The following NEURL4 variants were observed in gnomAD, a reference collection of about 807,000 sequenced individuals.
The protein encoded by NEURL4 is neuralized-like protein 4.
In NEURL4, 45 loss-of-function variants were observed where a neutral mutation model predicts 148.0. The ratio of observed to expected loss-of-function variants is 0.30; its 90% confidence interval spans 0.24 to 0.39. The LOEUF (loss-of-function observed/expected upper bound fraction) is 0.39. NEURL4 is among the 10% of genes least tolerant of loss of function. The probability of loss-of-function intolerance (pLI) is 1.00; values close to 1 mark genes in which losing one functional copy is unlikely to be tolerated. For synonymous variants in NEURL4, 854 were observed against 869.0 expected (o/e 0.98, Z 0.30); for missense variants, 1,776 against 2,144.0 (o/e 0.83, Z 3.39).
intron 1 of NEURL4, among the ~76,000 whole-genome samples, chr17:7,328,708 C>G (rs2073134941): frequency 6.6e-6 from 1 of 152,208 alleles, no homozygotes; most frequent in South Asian, 2.1e-4. Flanking sequence ...TCTTTCTTCA[C>G]TTGCCATCAC....
At position 7,327,925 on chromosome 17, in the gene NEURL4, C is replaced by A. The variant is rs1259745105; in HGVS notation, c.283-41G>T. The A allele has an allele frequency of 2.1e-6, 3 of 1,458,126 alleles. No homozygotes were observed. The highest frequency in any genetic ancestry group is 4.3e-5 in the Admixed American group (2 of 46,454). The allele number at this position is 1,458,126 out of a possible 1,614,324, so 90.3% of individuals were successfully genotyped here. ...TGGACAGAGGCTTAGAATGGGCCAC[C>A]CCCCATTCCACAGGCCACCATATCT... is the stretch of plus-strand genomic sequence containing the variant. On this transcript the variant is annotated intron_variant, in intron 1 of 28. Transcript: ENST00000399464. This position sits in a 1 kb window ranked among gnomAD's most constrained non-coding sequence, Gnocchi z 6.6.
intron 14 of NEURL4, among the ~76,000 whole-genome samples, 153 bp downstream of exon 14, chr17:7,323,332 C>T (rs1382318342): frequency 1.3e-5 from 2 of 152,182 alleles, no homozygotes; most frequent in African/African-American, 4.8e-5. Flanking sequence ...CCCCTGTGGG[C>T]CTGGGCAGGA....
In NEURL4 at chr17:7,320,915, A is replaced by C. The variant is rs2143012193; in HGVS notation, c.3369T>G (p.Asn1123Lys). Residue 1123 changes from asparagine to lysine, a missense_variant, in exon 21 of 29, where the codon AAT (asparagine) becomes AAG (lysine). Asn to Lys is a moderately conservative substitution (Grantham distance 94, BLOSUM62 0). Transcript: ENST00000399464. ...EGEEHGLGGQ[N>K]EVGIIPTTLE... ...GGGTGGTGGGTATAATACCCACTTCATTCTGGCCCTGGTGTGGAGGAAGGG... is the reference window on the plus strand; with the variant it reads ...GGGTGGTGGGTATAATACCCACTTCCTTCTGGCCCTGGTGTGGAGGAAGGG... 6.2e-7 allele frequency: 1 copy of C among 1,613,988 alleles called. No individual in the cohort carries two copies. Among genetic ancestry groups the C allele is most frequent in the East Asian group, 2.2e-5 (1 of 44,886 alleles).
Position 7,317,516 on chromosome 17 carries a change from G to A in NEURL4, c.4263C>T (p.His1421=), listed in dbSNP as rs763570530. 8.1e-6 allele frequency: 13 copies of A among 1,614,148 alleles called. No individual in the cohort carries two copies. Among genetic ancestry groups the A allele is most frequent in the Middle Eastern group, 1.6e-4 (1 of 6,062 alleles). ...TCCGTACAGCGGCAACATTGCTCCC[G>A]TGATATGCCATGTGCCACTTCTTGG... ...TLTKKWHMAY[H]GSNVAAVRRV... is the part of the protein sequence containing the mutation. Residue 1421 remains histidine, a synonymous_variant, in exon 27 of 29, where the codon CAC becomes CAT. Transcript: ENST00000399464.
At position 7,325,461 on chromosome 17, in the gene NEURL4, G is replaced by C; in HGVS notation, c.1379C>G (p.Pro460Arg). ...ACCATACACCACTGGGGGCGTCAAG[G>C]GGGTTGCCACTCCTGTGGCAGGAAG... The part of the protein sequence containing the change: ...INGIDQGVAT[P>R]LTPPVVYGVV... The change falls in exon 8 of 29, where the codon CCC (proline) becomes CGC (arginine). Residue 460 changes from proline (P) to arginine (R), a missense_variant. Transcript: ENST00000399464. 1 of 1,611,474 alleles carries C rather than the reference G, an allele frequency of 6.2e-7. No homozygotes were observed. The highest frequency in any genetic ancestry group is 8.5e-7 in the Non-Finnish European group (1 of 1,179,814).
Position 7,324,961 on chromosome 17 carries a change from G to T in NEURL4, c.1651C>A (p.His551Asn). 1 of 1,614,044 alleles carries T rather than the reference G, an allele frequency of 6.2e-7. No individual in the cohort carries two copies. Among genetic ancestry groups the T allele is most frequent in the Non-Finnish European group, 8.5e-7 (1 of 1,179,984 alleles). The change falls in exon 9 of 29, where the codon CAC becomes AAC. Residue 551 changes from histidine (H) to asparagine (N), a missense_variant. Physicochemically the swap from His to Asn is moderately conservative, Grantham distance 68. Transcript: ENST00000399464. The surrounding 1 kb of genome is among the most constrained non-coding windows in gnomAD (Gnocchi z 5.9). Reference protein sequence around the residue: ...LRPHATDDFNHGVVLSSRALR... With the variant: ...LRPHATDDFNNGVVLSSRALR... ...GCTCTGCTGCTCAGCACCACGCCGT[G>T]ATTGAAGTCATCGGTGGCACTGAGG...
At chr17:7,320,379 C>A (rs1274554807) in intron 21 of NEURL4, among the ~76,000 whole-genome samples, 1 of 152,172 alleles carries the variant, frequency 6.6e-6, no homozygotes, top group African/African-American at 2.4e-5. Context: ...AAGCGATCCG[C>A]CTGCCTTGGC....
Position 7,322,346 on chromosome 17 carries a change from C to T in NEURL4, c.2726-336G>A, listed in dbSNP as rs896953681. 2.0e-5 allele frequency among the ~76,000 whole-genome samples: 3 copies of T among 152,100 alleles called. No individual in the cohort carries two copies. The highest frequency in any genetic ancestry group is 2.1e-4 in the South Asian group (1 of 4,834). On this transcript the variant is annotated intron_variant, in intron 16 of 28. Transcript: ENST00000399464. The surrounding 1 kb of genome is among the most constrained non-coding windows in gnomAD (Gnocchi z 5.5). ...CTACATTTTGTATTTTTGGTACAGA[C>T]GGGGTTTCGCCATGTTTCCCAGGCT... is the stretch of plus-strand genomic sequence containing the variant.
rs769271449 is a variant in NEURL4 at position 7,324,169 on chromosome 17, G to A, written c.2001C>T (p.Gly667=). 8.7e-6 allele frequency: 14 copies of A among 1,613,620 alleles called. No individual in the cohort carries two copies. Among genetic ancestry groups the A allele is most frequent in the Admixed American group, 1.7e-5 (1 of 60,012 alleles). Residue 667 remains glycine, a synonymous_variant, in exon 11 of 29, where the codon GGC becomes GGT. Coordinates refer to ENST00000399464, the MANE Select transcript of NEURL4 (RefSeq NM_032442.3). The surrounding 1 kb of genome is among the most constrained non-coding windows in gnomAD (Gnocchi z 5.9). ...CATAGAGATCGACGACAGCATAGAC[G>A]CCCGGGGGCACGTTCCAGGCAGCAG... ...QGPAAWNVPP[G]VYAVVDLYGQ... is the part of the protein sequence containing the mutation.
In NEURL4 at chr17:7,322,754, G is replaced by T; in HGVS notation, c.2706C>A (p.Ser902=). 1 of 1,612,758 alleles carries T rather than the reference G, an allele frequency of 6.2e-7. No homozygotes were observed. Residue 902 remains serine, a synonymous_variant, in exon 16 of 29, where the codon TCC becomes TCA. Transcript: ENST00000399464. This position sits in a 1 kb window ranked among gnomAD's most constrained non-coding sequence, Gnocchi z 5.5. ...CCGCACCTGGGGAGTGCAGTGGGAA[G>T]GACTTCTCGGTGGCAGTGTTGCTGG... The part of the protein sequence containing the change: ...LATSNTATEK[S]FPLHSPVAGV...
At position 7,318,010 on chromosome 17, in the gene NEURL4, G is replaced by A; in HGVS notation, c.4060+55C>T. 1.2e-6 allele frequency: 2 copies of A among 1,613,690 alleles called. No homozygotes were observed. The highest frequency in any genetic ancestry group is 1.7e-6 in the Non-Finnish European group (2 of 1,179,576). On this transcript the variant is annotated intron_variant, in intron 25 of 28. Transcript: ENST00000399464. The surrounding 1 kb of genome is among the most constrained non-coding windows in gnomAD (Gnocchi z 4.3). Reference sequence around the variant, plus strand: ...GTGGCACCCTCCAGCTGCTCTCCAAGGCTCTAGGCCTGGCCCTGGGAATGA... The same window carrying A: ...GTGGCACCCTCCAGCTGCTCTCCAAAGCTCTAGGCCTGGCCCTGGGAATGA...
At position 7,318,731 on chromosome 17, in the gene NEURL4, C is replaced by A; in HGVS notation, c.3685-57G>T. The A allele has an allele frequency of 6.5e-7, 1 of 1,528,940 alleles. No individual in the cohort carries two copies. The highest frequency in any genetic ancestry group is 1.3e-5 in the South Asian group (1 of 79,486). 94.7% of individuals were successfully genotyped at this position (1,528,940 alleles called of 1,614,324 possible). The stretch of plus-strand genomic sequence containing the variant: ...TCAGACTCCACCGCGGCAGCTGTCC[C>A]GCCCTTTGCTCTGCTTCCTTTTGCC... On this transcript the variant is annotated intron_variant, in intron 22 of 28. Coordinates refer to ENST00000399464, the MANE Select transcript of NEURL4 (RefSeq NM_032442.3). The surrounding 1 kb of genome is among the most constrained non-coding windows in gnomAD (Gnocchi z 4.3).
chr17:7,329,333 C>A lies in NEURL4; in HGVS notation c.-21G>T. On this transcript the variant is annotated 5_prime_UTR_variant, in exon 1 of 29. Coordinates refer to ENST00000399464, the MANE Select transcript of NEURL4 (RefSeq NM_032442.3). ...GCCATCTCCGCTGACACCGGGGCAG[C>A]GCGACAGCCGCGCTTGGCGGCACCG... 2 of 1,373,454 alleles carry A rather than the reference C, an allele frequency of 1.5e-6. No individual in the cohort carries two copies. The highest frequency in any genetic ancestry group is 3.9e-5 in the Admixed American group (1 of 25,878). 85.1% of individuals were successfully genotyped at this position (1,373,454 alleles called of 1,614,324 possible).
rs954712243 is a variant in NEURL4 at position 7,324,180 on chromosome 17, C to T, written c.1990G>A (p.Val664Met). Residue 664 changes from valine (V) to methionine (M), a missense_variant, in exon 11 of 29, where the codon GTG becomes ATG. By Grantham distance (21) the Val-to-Met change is conservative. Coordinates refer to ENST00000399464, the MANE Select transcript of NEURL4 (RefSeq NM_032442.3). This position sits in a 1 kb window ranked among gnomAD's most constrained non-coding sequence, Gnocchi z 5.9. ...GMTQGPAAWN[V>M]PPGVYAVVDL... ...ACGACAGCATAGACGCCCGGGGGCA[C>T]GTTCCAGGCAGCAGGGCCCTGAGTC... The T allele has an allele frequency of 3.1e-6, 5 of 1,613,674 alleles. No homozygotes were observed. The highest frequency in any genetic ancestry group is 4.2e-6 in the Non-Finnish European group (5 of 1,180,030).
rs1452083165 is a variant in NEURL4, at chr17:7,315,949, G to A, written c.*174C>T. ...GACGGAGTGCTGGGCCTCCGGACAT[G>A]GAGCTGTGCCACTTGCCACCTACAT... is the stretch of plus-strand genomic sequence containing the variant. On this transcript the variant is annotated 3_prime_UTR_variant, in exon 29 of 29. Transcript: ENST00000399464. The A allele has an allele frequency of 4.9e-6, 3 of 606,126 alleles. No individual in the cohort carries two copies. The highest frequency in any genetic ancestry group is 5.9e-6 in the Non-Finnish European group (2 of 337,706). 37.5% of individuals were successfully genotyped at this position (606,126 alleles called of 1,614,324 possible). A position where few individuals can be genotyped will look rare whatever the true frequency, so the allele number is the denominator to read the frequency against.
rs199732392 is a variant in NEURL4 at position 7,324,920 on chromosome 17, C to T, written c.1692G>A (p.Glu564=). 3.1e-6 allele frequency: 5 copies of T among 1,614,184 alleles called. No homozygotes were observed. Among genetic ancestry groups the T allele is most frequent in the South Asian group, 1.1e-5 (1 of 91,080 alleles). ...TCTTGTCGATGCGCACCTGGAACAC[C>T]TCTCCATCCCGCAGGGCTCTGCTGC... ...VLSSRALRDG[E]VFQVRIDKMV... The change falls in exon 9 of 29, where the codon GAG becomes GAA. Residue 564 remains glutamate (E), a synonymous_variant. Transcript: ENST00000399464. The surrounding 1 kb of genome is among the most constrained non-coding windows in gnomAD (Gnocchi z 5.9).
At chr17:7,325,110 GC>G in intron 8 of NEURL4, 98 bp downstream of exon 8, 1 of 1,509,204 alleles carries the variant, frequency 6.6e-7, no homozygotes, top group Non-Finnish European at 8.9e-7. Flanking sequence ...CCAGGAAGCT[GC>G]CCCCGCCAGG....
rs2073122049 is a variant in NEURL4 at position 7,327,759 on chromosome 17, C to T, written c.408G>A (p.Leu136=). ...GSWVVSGCSV[L]RDGRSVLEEY... is the part of the protein sequence containing the mutation. ...CCTCCAACACAGAGCGTCCATCTCTCAGCACAGAGCAGCCCGACACTACCC... is the reference window on the plus strand; with the variant it reads ...CCTCCAACACAGAGCGTCCATCTCTTAGCACAGAGCAGCCCGACACTACCC... Residue 136 remains leucine (L), a synonymous_variant, in exon 2 of 29, where the codon CTG becomes CTA. Coordinates refer to ENST00000399464, the MANE Select transcript of NEURL4 (RefSeq NM_032442.3). The surrounding 1 kb of genome is among the most constrained non-coding windows in gnomAD (Gnocchi z 6.6). 6.2e-7 allele frequency: 1 copy of T among 1,613,978 alleles called. No individual in the cohort carries two copies. The highest frequency in any genetic ancestry group is 8.5e-7 in the Non-Finnish European group (1 of 1,180,056).
Position 7,318,101 on chromosome 17 carries a change from G to A in NEURL4, c.4024C>T (p.Leu1342Phe), listed in dbSNP as rs2072975240. The stretch of plus-strand genomic sequence containing the variant: ...AGGAGTTCTTGGAAGCGAGAGCAAA[G>A]GGCATGGTACTCGCAGCTCTTTAGA... ...SPLKSCEYHA[L>F]CSRFQELLLL... The change falls in exon 25 of 29, where the codon CTT becomes TTT. Residue 1342 changes from leucine to phenylalanine, a missense_variant. Leu to Phe is a conservative substitution (Grantham distance 22). Transcript: ENST00000399464. The surrounding 1 kb of genome is among the most constrained non-coding windows in gnomAD (Gnocchi z 4.3). The A allele has an allele frequency of 6.2e-7, 1 of 1,614,188 alleles. No individual in the cohort carries two copies. Among genetic ancestry groups the A allele is most frequent in the Non-Finnish European group, 8.5e-7 (1 of 1,180,034 alleles).
Sources: allele counts gnomAD v4.1 joint callset (sites outside exome capture counted in the v4.1 genomes callset), GRCh38; gene constraint gnomAD v4.1.1; non-coding constraint Gnocchi (gnomAD v3.1); transcripts MANE v1.5; gene names NCBI Gene and HGNC (gene_info 2026-07-23, HGNC 2026-07-21).